Variants in SLC24A3 observed in about 807,000 individuals in gnomAD.
SLC24A3 encodes solute carrier family 24 member 3, also known as sodium/potassium/calcium exchanger 3.
A neutral mutation model predicts 75.8 loss-of-function variants in SLC24A3; 28 were observed. The ratio of observed to expected loss-of-function variants is 0.37; its 90% CI spans 0.27 to 0.51. SLC24A3 has a LOEUF of 0.51. SLC24A3 is among the 20% of genes least tolerant of loss of function. SLC24A3 has a pLI of 0.94. For synonymous variants in SLC24A3, 372 were observed against 334.1 expected (o/e 1.11, Z -1.24); for missense variants, 663 against 847.8 (o/e 0.78, Z 2.71).
chr20:19,341,179 G>T (rs1985264941), intron 2 of SLC24A3, among the ~76,000 whole-genome samples: 1 of 152,204 alleles, frequency 6.6e-6, no homozygotes, highest in Non-Finnish European at 1.5e-5. Flanking sequence ...TCTTCCAGGT[G>T]GATACCCACC....
chr20:19,522,630 C>G (rs2030120405), intron 3 of SLC24A3, among the ~76,000 whole-genome samples: 1 of 152,170 alleles, frequency 6.6e-6, no homozygotes, highest in South Asian at 2.1e-4. Context: ...GCTTGCCAAC[C>G]CCATCACAAA....
At chr20:19,528,095 A>G (rs933894988) in intron 3 of SLC24A3, among the ~76,000 whole-genome samples, 1 of 152,126 alleles carries the variant, frequency 6.6e-6, no homozygotes, top group Non-Finnish European at 1.5e-5. Flanking sequence ...TGTTTCCCTG[A>G]TATTCTAAAT....
chr20:19,224,344 G>T (rs1270131714), intron 1 of SLC24A3, among the ~76,000 whole-genome samples: 1 of 152,090 alleles, frequency 6.6e-6, no homozygotes, highest in Non-Finnish European at 1.5e-5. Context: ...ATAACGTCAA[G>T]AATTAAGGAA....
At chr20:19,355,666 A>G (rs1985666340) in intron 2 of SLC24A3, among the ~76,000 whole-genome samples, 1 of 152,240 alleles carries the variant, frequency 6.6e-6, no homozygotes, top group Non-Finnish European at 1.5e-5. Context: ...AACAGCAGGT[A>G]TTTCCAACCT....
At chr20:19,269,822 C>T (rs1428175572) in intron 1 of SLC24A3, among the ~76,000 whole-genome samples, 1 of 152,136 alleles carries the variant, frequency 6.6e-6, no homozygotes, top group South Asian at 2.1e-4. Flanking sequence ...CTCCTGAGGC[C>T]CGTATAATAA....
chr20:19,343,041 G>A (rs181158115), intron 2 of SLC24A3, among the ~76,000 whole-genome samples: 170 of 134,204 alleles, frequency 1.3e-3, no homozygotes, highest in Non-Finnish European at 2.1e-3. Context: ...CTGCACTCCA[G>A]CCTGGGTGAC....
At chr20:19,587,889 G>A (rs767421837) in intron 6 of SLC24A3, among the ~76,000 whole-genome samples, 6 of 152,174 alleles carry the variant, frequency 3.9e-5, no homozygotes, top group African/African-American at 4.8e-5. Context: ...CATTAGCTAT[G>A]CTCAGAATAC....
At chr20:19,546,090 C>T (rs1470397281) in intron 3 of SLC24A3, among the ~76,000 whole-genome samples, 25 of 136,068 alleles carry the variant, frequency 1.8e-4, no homozygotes, top group African/African-American at 6.5e-4. Context: ...ACCCGGGAGG[C>T]AGAGCTTGCA....
At chr20:19,679,516 TGGGGAGAGGGAGACCGTGGGGAG>T (rs1568695445) in intron 9 of SLC24A3, among the ~76,000 whole-genome samples, 1 of 99,844 alleles carries the variant, frequency 1.0e-5, no homozygotes, top group Non-Finnish European at 2.1e-5. Context: ...AGGGAGACCG[TGGGGAGAGGGAGACCGTGGGGAG>T]GGGGAGAGGG....
At position 19,212,689 on chromosome 20, in the gene SLC24A3, G is replaced by T; in HGVS notation, c.-154G>T. 1 of 420,534 alleles carries T rather than the reference G, an allele frequency of 2.4e-6. No individual in the cohort carries two copies. The highest frequency in any genetic ancestry group is 3.2e-6 in the Non-Finnish European group (1 of 315,060). The allele number at this position is 420,534 out of a possible 1,614,324, so 26.1% of individuals were successfully genotyped here. A position where few individuals can be genotyped will look rare whatever the true frequency, so the allele number is the denominator to read the frequency against. Reference sequence around the variant, plus strand: ...ACGAGGAGACGGGCAGCGGCGAGGAGGAGGAAGAGGAGGCGGAGGCGGCGG... The same window carrying T: ...ACGAGGAGACGGGCAGCGGCGAGGATGAGGAAGAGGAGGCGGAGGCGGCGG... On this transcript the variant is annotated 5_prime_UTR_variant, in exon 1 of 17. The change creates a new upstream start codon in the 5' untranslated region. Transcript: ENST00000328041.
At chr20:19,323,210 A>G (rs1233841610) in intron 2 of SLC24A3, among the ~76,000 whole-genome samples, 16 of 150,936 alleles carry the variant, frequency 1.1e-4, no homozygotes, top group Admixed American at 2.6e-4. Flanking sequence ...CGTCTCAAAA[A>G]AAAAAAAAAA....
intron 2 of SLC24A3, among the ~76,000 whole-genome samples, chr20:19,503,060 T>C (rs1988411109): frequency 6.7e-6 from 1 of 149,956 alleles, no homozygotes; most frequent in Admixed American, 6.7e-5. Context: ...TAGATACACA[T>C]CAAGTAGATT....
rs924558356 is a variant in SLC24A3 at position 19,212,817 on chromosome 20, C to A, written c.-26C>A. The stretch of plus-strand genomic sequence containing the variant: ...CGCGACAGGAGCGGCCGCCGCCCGC[C>A]GAGGCCGCCGCCCGGCCGCCCGAGG... On this transcript the variant is annotated 5_prime_UTR_variant, in exon 1 of 17. Coordinates refer to ENST00000328041, the MANE Select transcript of SLC24A3 (RefSeq NM_020689.4). The A allele has an allele frequency of 1.0e-4, 99 of 981,028 alleles. No individual in the cohort carries two copies. In the African/African-American group the frequency reaches 1.7e-3, roughly 17 times the overall value. 60.8% of individuals were successfully genotyped at this position (981,028 alleles called of 1,614,324 possible).
At chr20:19,476,158 C>A (rs1447055646) in intron 2 of SLC24A3, among the ~76,000 whole-genome samples, 2 of 152,226 alleles carry the variant, frequency 1.3e-5, no homozygotes, top group African/African-American at 4.8e-5. Context: ...CCAATGTCTT[C>A]CTTGCTGGTG....
chr20:19,360,475 T>G (rs982279645), intron 2 of SLC24A3, among the ~76,000 whole-genome samples: 25 of 152,330 alleles, frequency 1.6e-4, no homozygotes, highest in African/African-American at 5.1e-4. Flanking sequence ...ATGTGAATAC[T>G]TCAACATTTC....
chr20:19,673,304 T>C (rs1187273326), intron 8 of SLC24A3, among the ~76,000 whole-genome samples: 1 of 152,220 alleles, frequency 6.6e-6, no homozygotes, highest in African/African-American at 2.4e-5. Context: ...TGTATACATA[T>C]TGACCTATAT....
At chr20:19,616,190 GTA>G (rs1568673833) in intron 6 of SLC24A3, among the ~76,000 whole-genome samples, 1 of 152,238 alleles carries the variant, frequency 6.6e-6, no homozygotes, top group Non-Finnish European at 1.5e-5. Flanking sequence ...TGCCAGGAAT[GTA>G]TACCACTGCC....
chr20:19,716,761 G>A (rs748626358), intron 15 of SLC24A3, among the ~76,000 whole-genome samples: 4 of 151,998 alleles, frequency 2.6e-5, no homozygotes, highest in Non-Finnish European at 5.9e-5. Context: ...TGTGCCTGTA[G>A]TCCTCAGGAG....
intron 6 of SLC24A3, among the ~76,000 whole-genome samples, chr20:19,599,015 AGTTGAGTC>A (rs2031488689): frequency 6.6e-6 from 1 of 152,116 alleles, no homozygotes; most frequent in African/African-American, 2.4e-5. Context: ...CTGGGAACTC[AGTTGAGTC>A]GATGTGAAAT....
Sources: gnomAD v4.1 joint callset for allele counts (sites outside exome capture counted in the v4.1 genomes callset) on GRCh38, gnomAD v4.1.1 for gene constraint, MANE v1.5 for transcripts, NCBI Gene and HGNC (gene_info 2026-07-23, HGNC 2026-07-21) for gene names.